Variants in THAP8 observed in about 807,000 individuals in gnomAD.
THAP8 encodes THAP domain containing 8.
A neutral mutation model predicts 25.0 loss-of-function variants in THAP8; 24 were observed. The ratio of observed to expected loss-of-function variants is 0.96; its 90% CI spans 0.69 to 1.35. THAP8 has a LOEUF of 1.35. Ranked by LOEUF, THAP8 falls within the 40% of genes most tolerant of loss-of-function variation. The pLI is 0.00. For synonymous variants in THAP8, 169 were observed against 157.6 expected, an observed-to-expected ratio of 1.07 and a Z score of -0.54; for missense variants, 399 against 368.8, an observed-to-expected ratio of 1.08 and a Z score of -0.67.
chr19:36,042,733 A>G (rs1053349139), intron 1 of THAP8, among the ~76,000 whole-genome samples: 4 of 152,208 alleles, frequency 2.6e-5, no homozygotes, highest in African/African-American at 9.7e-5. Context: ...AATGCTGCAT[A>G]TACATACAAT....
chr19:36,040,288 C>T, intron 1 of THAP8, 152 bp from the exon 2 acceptor site: 1 of 733,978 alleles, frequency 1.4e-6, no homozygotes, highest in South Asian at 2.1e-5. Flanking sequence ...TTCTCTATCT[C>T]ATACACACAA....
chr19:36,040,490 C>T (rs185303967), intron 1 of THAP8, among the ~76,000 whole-genome samples: 1 of 152,120 alleles, frequency 6.6e-6, no homozygotes, highest in Non-Finnish European at 1.5e-5. Flanking sequence ...CCACGCCCGG[C>T]TAATTTTTGT....
At chr19:36,038,094 C>T (rs986420438) in intron 3 of THAP8, among the ~76,000 whole-genome samples, 1 of 151,606 alleles carries the variant, frequency 6.6e-6, no homozygotes, top group African/African-American at 2.4e-5. Context: ...ACAGGTGCGC[C>T]ACCATGCCCA....
At chr19:36,048,368 C>CTTTTT (rs574325189) in intron 1 of THAP8, among the ~76,000 whole-genome samples, 1 of 141,078 alleles carries the variant, frequency 7.1e-6, no homozygotes, top group Non-Finnish European at 1.6e-5. Context: ...GACTTCATTT[C>CTTTTT]TTTTTTTTTT....
intron 1 of THAP8, among the ~76,000 whole-genome samples, chr19:36,053,230 T>C (rs907940341): frequency 1.3e-5 from 2 of 151,568 alleles, no homozygotes; most frequent in Non-Finnish European, 2.9e-5. Context: ...ACCACGCCCA[T>C]CTAATTTTTG....
intron 1 of THAP8, chr19:36,045,634 T>C: frequency 6.9e-6 from 3 of 432,232 alleles, no homozygotes; most frequent in Non-Finnish European, 9.3e-6. Flanking sequence ...GAGATTATCC[T>C]GGGTCATCCG....
chr19:36,042,193 G>A lies in THAP8; in HGVS notation c.84-2057C>T, dbSNP rs140439672. ...TACACTGCTGGGAATGTAAAACGGTGCTGCCACTGTGGAAAACAATATGGC... is the reference window on the plus strand; with the variant it reads ...TACACTGCTGGGAATGTAAAACGGTACTGCCACTGTGGAAAACAATATGGC... On this transcript the variant is annotated intron_variant, in intron 1 of 3. Transcript: ENST00000292894. Among the ~76,000 whole-genome samples, 813 of 152,248 alleles carry A rather than the reference G, an allele frequency of 5.3e-3. 7 individuals are homozygous for A. Among genetic ancestry groups the A allele is most frequent in the African/African-American group, 0.018 (742 of 41,540 alleles).
intron 3 of THAP8, among the ~76,000 whole-genome samples, chr19:36,037,480 G>T (rs1341498991): frequency 6.6e-6 from 1 of 152,220 alleles, no homozygotes; most frequent in South Asian, 2.1e-4. Context: ...CAGGCAGGAA[G>T]CTCTCACAGG....
At chr19:36,038,342 G>A (rs1345725541) in intron 3 of THAP8, among the ~76,000 whole-genome samples, 1 of 151,942 alleles carries the variant, frequency 6.6e-6, no homozygotes, top group Non-Finnish European at 1.5e-5. Flanking sequence ...GCTCACTGCA[G>A]TCTCTGCTTC....
At chr19:36,037,280 C>G (rs1026924506) in intron 3 of THAP8, among the ~76,000 whole-genome samples, 1 of 113,842 alleles carries the variant, frequency 8.8e-6, no homozygotes, top group African/African-American at 3.3e-5. Flanking sequence ...ACACACACAC[C>G]TTCCTCAGCT....
At chr19:36,037,970 C>T (rs1173175811) in intron 3 of THAP8, among the ~76,000 whole-genome samples, 2 of 151,654 alleles carry the variant, frequency 1.3e-5, no homozygotes, top group East Asian at 2.0e-4. Context: ...TTTGAGATGG[C>T]GTCTCGCTCT....
At chr19:36,050,109 T>A (rs1030610752) in intron 1 of THAP8, among the ~76,000 whole-genome samples, 1 of 151,062 alleles carries the variant, frequency 6.6e-6, no homozygotes, top group African/African-American at 2.4e-5. Context: ...TGACAGTGGA[T>A]GTGATGAGAA....
chr19:36,054,064 A>T (rs1970191910), intron 1 of THAP8, 71 bp downstream of exon 1: 3 of 1,525,666 alleles, frequency 2.0e-6, no homozygotes. Context: ...CCCGCACAGC[A>T]GCACTAATGC....
At chr19:36,043,225 G>C (rs1256148535) in intron 1 of THAP8, among the ~76,000 whole-genome samples, 1 of 152,180 alleles carries the variant, frequency 6.6e-6, no homozygotes, top group Non-Finnish European at 1.5e-5. Context: ...ACTGCATCTG[G>C]CCTGGAATTT....
At position 36,035,438 on chromosome 19, in the gene THAP8, C is replaced by T. The variant is rs890288799; in HGVS notation, c.*2G>A. 5.6e-6 allele frequency: 9 copies of T among 1,613,006 alleles called. No individual in the cohort carries two copies. The highest frequency in any genetic ancestry group is 8.5e-7 in the Non-Finnish European group (1 of 1,179,284). On this transcript the variant is annotated 3_prime_UTR_variant, in exon 4 of 4. Coordinates refer to ENST00000292894, the MANE Select transcript of THAP8 (RefSeq NM_152658.3). ...GTCCCTCGACATTGTCTGTCTTGAT[C>T]CTTATGCACTGGGGATCCGAGTGTC...
chr19:36,054,348 C>T, upstream of THAP8: 1 of 1,131,876 alleles, frequency 8.8e-7, no homozygotes. Context: ...TCGTCACGTA[C>T]CGGGGAGAGA....
chr19:36,037,377 CA>C (rs1320348477), intron 3 of THAP8, among the ~76,000 whole-genome samples: 14 of 151,264 alleles, frequency 9.3e-5, no homozygotes, highest in African/African-American at 2.7e-4. Context: ...CACACACACA[CA>C]CACCCAGCAG....
intron 1 of THAP8, among the ~76,000 whole-genome samples, chr19:36,046,389 T>C (rs1379398936): frequency 6.6e-6 from 1 of 152,148 alleles, no homozygotes; most frequent in Non-Finnish European, 1.5e-5. Flanking sequence ...GAGAACAGAC[T>C]AAGACACATA....
At chr19:36,054,606 C>T, upstream of THAP8, 2 of 543,364 alleles carry the variant, frequency 3.7e-6, no homozygotes, top group Non-Finnish European at 6.6e-6. Flanking sequence ...CGTTGGGGCG[C>T]ACATAGTTCC....
Sources: allele counts gnomAD v4.1 joint callset (sites outside exome capture counted in the v4.1 genomes callset), GRCh38; gene constraint gnomAD v4.1.1; transcripts MANE v1.5; gene names NCBI Gene and HGNC (gene_info 2026-07-23, HGNC 2026-07-21).